KAZN: variants seen among roughly 807,000 people sequenced by gnomAD.
KAZN encodes the protein kazrin, periplakin interacting protein, also known as kazrin.
A neutral mutation model predicts 87.4 loss-of-function variants in KAZN; 40 were observed. The observed-to-expected ratio is 0.46, with a 90% CI of 0.36 to 0.60. The LOEUF is 0.60. Ranked by LOEUF, KAZN falls within the 20% of genes least tolerant of loss-of-function variation. KAZN has a pLI of 0.00. For missense variants in KAZN, 898 were observed against 1,073.9 expected (o/e 0.84, Z 2.29); for synonymous variants, 466 against 458.3 (o/e 1.02, Z -0.22).
intron 1 of KAZN, among the ~76,000 whole-genome samples, chr1:14,880,361 G>T (rs1170733607): frequency 6.6e-6 from 1 of 152,194 alleles, no homozygotes; most frequent in African/African-American, 2.4e-5. Context: ...GTAGTAATTA[G>T]TGGAGCTAGG....
chr1:14,676,171 T>C (rs1643710368), intron 1 of KAZN, among the ~76,000 whole-genome samples: 1 of 152,352 alleles, frequency 6.6e-6, no homozygotes, highest in Admixed American at 6.5e-5. Context: ...ATGCTGGCAT[T>C]GATCCACTTT....
chr1:14,799,695 G>C (rs916972245), intron 1 of KAZN, among the ~76,000 whole-genome samples: 1 of 152,090 alleles, frequency 6.6e-6, no homozygotes, highest in African/African-American at 2.4e-5. Context: ...TGCGATGGTG[G>C]GCTCAGGATA....
chr1:14,763,021 T>G (rs1245049936), intron 1 of KAZN, among the ~76,000 whole-genome samples: 3 of 152,174 alleles, frequency 2.0e-5, no homozygotes, highest in African/African-American at 7.2e-5. Flanking sequence ...CTTGGCAGTC[T>G]GTGAGCTTTC....
At chr1:14,858,208 TCTTTTC>T (rs1650376027) in intron 1 of KAZN, among the ~76,000 whole-genome samples, 10 of 116,340 alleles carry the variant, frequency 8.6e-5, no homozygotes, top group African/African-American at 1.6e-4. Context: ...TTTTTCTTTT[TCTTTTC>T]TTTTTTTTTT....
intron 2 of KAZN, among the ~76,000 whole-genome samples, chr1:14,231,561 G>A (rs1274973547): frequency 6.6e-6 from 1 of 152,174 alleles, no homozygotes; most frequent in Non-Finnish European, 1.5e-5. Flanking sequence ...TAGCTTTGTG[G>A]TGACTTACTC....
At chr1:14,671,850 T>C (rs1284821057) in intron 1 of KAZN, among the ~76,000 whole-genome samples, 1 of 152,256 alleles carries the variant, frequency 6.6e-6, no homozygotes, top group East Asian at 1.9e-4. Flanking sequence ...TTTATGTGTC[T>C]GCATTTGCTA....
In KAZN at chr1:15,094,451, G is replaced by A. The variant is rs1640710063; in HGVS notation, c.1428+66G>A. On this transcript the variant is annotated intron_variant, in intron 9 of 14. Coordinates refer to ENST00000376030, the MANE Select transcript of KAZN (RefSeq NM_201628.3). The surrounding 1 kb of genome is among the most constrained non-coding windows in gnomAD (Gnocchi z 4.5). ...CTCTGTGAGCTTTACGTACCCAGAA[G>A]CTGGCCTGCCCCCCACTCCTACCCT... The A allele has an allele frequency of 2.1e-6, 3 of 1,449,146 alleles. No homozygotes were observed. Among genetic ancestry groups the A allele is most frequent in the African/African-American group, 1.4e-5 (1 of 71,534 alleles). 89.8% of individuals were successfully genotyped at this position (1,449,146 alleles called of 1,614,324 possible). A position where few individuals can be genotyped will look rare whatever the true frequency, so the allele number is the denominator to read the frequency against.
At chr1:14,014,039 G>C (rs573726760) in intron 1 of KAZN, among the ~76,000 whole-genome samples, 1 of 152,152 alleles carries the variant, frequency 6.6e-6, no homozygotes, top group South Asian at 2.1e-4. Context: ...ATAGCTTTAG[G>C]CTGCTCCATT....
intron 2 of KAZN, among the ~76,000 whole-genome samples, chr1:14,378,420 C>A (rs1446562668): frequency 1.3e-5 from 2 of 152,144 alleles, no homozygotes; most frequent in African/African-American, 4.8e-5. Context: ...TCATGAGAAC[C>A]AAAAATCAGG....
At chr1:14,700,105 G>A (rs990360984) in intron 1 of KAZN, among the ~76,000 whole-genome samples, 9 of 152,156 alleles carry the variant, frequency 5.9e-5, no homozygotes, top group East Asian at 1.9e-4. Flanking sequence ...CACATAGGGC[G>A]TTATGAGCCA....
chr1:14,007,129 A>C (rs138086786), intron 1 of KAZN, among the ~76,000 whole-genome samples: 2 of 151,992 alleles, frequency 1.3e-5, no homozygotes, highest in Non-Finnish European at 2.9e-5. Context: ...TTGTTTTTTT[A>C]GATAAGTCTT....
chr1:15,006,305 A>G (rs1216204958), intron 2 of KAZN, among the ~76,000 whole-genome samples: 1 of 152,188 alleles, frequency 6.6e-6, no homozygotes, highest in Admixed American at 6.5e-5. Flanking sequence ...TGCTAGGCTT[A>G]GGGAAGAGAG....
At chr1:14,917,313 G>T (rs1311685798) in intron 1 of KAZN, among the ~76,000 whole-genome samples, 1 of 152,180 alleles carries the variant, frequency 6.6e-6, no homozygotes, top group Non-Finnish European at 1.5e-5. Context: ...GGATGGCCGA[G>T]GGAAGAAGAG....
chr1:14,178,892 G>A (rs1204910638), intron 1 of KAZN, among the ~76,000 whole-genome samples: 1 of 152,100 alleles, frequency 6.6e-6, no homozygotes, highest in Non-Finnish European at 1.5e-5. Flanking sequence ...TTTTGGAAGG[G>A]CCTGGAATAG....
At chr1:14,825,874 C>A (rs1163142184) in intron 1 of KAZN, among the ~76,000 whole-genome samples, 1 of 152,216 alleles carries the variant, frequency 6.6e-6, no homozygotes, top group Non-Finnish European at 1.5e-5. Context: ...TGGTTTAATT[C>A]TGTCTCTCTG....
In KAZN at chr1:15,110,549, T is replaced by TTGTGTGTGTGTGTGTGTGTGTG. The variant is rs71000365; in HGVS notation, c.2049-1859_2049-1858insGTGTGTGTGTGTGTGTGTGTGT. Among the ~76,000 whole-genome samples the TTGTGTGTGTGTGTGTGTGTGTG allele has an allele frequency of 1.5e-3, 221 of 148,068 alleles. 3 individuals are homozygous for TTGTGTGTGTGTGTGTGTGTGTG. Among genetic ancestry groups the TTGTGTGTGTGTGTGTGTGTGTG allele is most frequent in the African/African-American group, 4.1e-3 (159 of 38,908 alleles). ...TGTGTTTGTGTGTGTGCATATGTGT[T>TTGTGTGTGTGTGTGTGTGTGTG]TGTGTGTGTGTGTGTGTGTATCCTC... On this transcript the variant is annotated intron_variant, in intron 13 of 14. Coordinates refer to ENST00000376030, the MANE Select transcript of KAZN (RefSeq NM_201628.3).
At chr1:13,915,183 G>A (rs902155679) in intron 1 of KAZN, among the ~76,000 whole-genome samples, 1 of 152,182 alleles carries the variant, frequency 6.6e-6, no homozygotes, top group African/African-American at 2.4e-5. Context: ...AGGCACACAT[G>A]TATACGATCT....
At chr1:14,244,064 CAG>C (rs1432773377) in intron 2 of KAZN, among the ~76,000 whole-genome samples, 8 of 152,196 alleles carry the variant, frequency 5.3e-5, no homozygotes, top group South Asian at 4.1e-4. Context: ...AACAATTAAA[CAG>C]AGAAAAATTA....
At chr1:14,519,902 T>C (rs1174290251) in intron 2 of KAZN, among the ~76,000 whole-genome samples, 1 of 151,966 alleles carries the variant, frequency 6.6e-6, no homozygotes, top group East Asian at 1.9e-4. Flanking sequence ...AGTCAGAACA[T>C]AGAGTGTCCT....
Sources: gnomAD v4.1 joint callset for allele counts (sites outside exome capture counted in the v4.1 genomes callset) on GRCh38, gnomAD v4.1.1 for gene constraint, Gnocchi (gnomAD v3.1) non-coding constraint, MANE v1.5 for transcripts, NCBI Gene and HGNC (gene_info 2026-07-23, HGNC 2026-07-21) for gene names.